PTPN2: variants seen among roughly 807,000 people sequenced by gnomAD.
PTPN2 encodes the protein tyrosine-protein phosphatase non-receptor type 2.
In PTPN2, 19 loss-of-function variants were observed where a neutral mutation model predicts 57.3. The ratio of observed to expected loss-of-function variants is 0.33; its 90% CI spans 0.23 to 0.49. The LOEUF (loss-of-function observed/expected upper bound fraction) is 0.49, where lower values mean the gene tolerates loss of function less well. PTPN2 is among the 20% of genes least tolerant of loss of function. PTPN2 has a pLI of 0.99. For missense variants in PTPN2, 358 were observed against 501.1 expected (o/e 0.71, Z 2.73); for synonymous variants, 153 against 164.9 (o/e 0.93, Z 0.55).
intron 4 of PTPN2, among the ~76,000 whole-genome samples, chr18:12,827,556 T>C (rs1419136872): frequency 1.3e-5 from 2 of 151,834 alleles, no homozygotes; most frequent in Admixed American, 6.6e-5. Context: ...GGCTACTTTT[T>C]GTATTTTTTG....
chr18:12,866,712 T>C (rs191881227), intron 1 of PTPN2, among the ~76,000 whole-genome samples: 81 of 152,032 alleles, frequency 5.3e-4, no homozygotes, highest in African/African-American at 1.9e-3. Context: ...TTTTATGGTA[T>C]GTGAAATATA....
chr18:12,813,608 G>T (rs562962587), intron 7 of PTPN2, among the ~76,000 whole-genome samples: 1 of 152,206 alleles, frequency 6.6e-6, no homozygotes, highest in East Asian at 1.9e-4. Flanking sequence ...TCAACTTACA[G>T]TATCTGCTTA....
chr18:12,865,076 T>C (rs949223569), intron 1 of PTPN2, among the ~76,000 whole-genome samples: 19 of 152,174 alleles, frequency 1.2e-4, no homozygotes, highest in Admixed American at 1.1e-3. Context: ...TTCAAGAGAA[T>C]CACAGAATTC....
chr18:12,807,586 A>AAAAAATATAT, intron 7 of PTPN2, among the ~76,000 whole-genome samples: 27 of 35,188 alleles, frequency 7.7e-4, no homozygotes, highest in Admixed American at 2.3e-3. Context: ...AAAAAAAAAA[A>AAAAAATATAT]ATATATATAT....
chr18:12,842,248 G>A (rs1568136561), intron 2 of PTPN2, among the ~76,000 whole-genome samples: 1 of 152,148 alleles, frequency 6.6e-6, no homozygotes, highest in Non-Finnish European at 1.5e-5. Flanking sequence ...TCCGCTTCTA[G>A]GAGAGTTAGA....
At chr18:12,853,985 G>A (rs2043484450) in intron 2 of PTPN2, among the ~76,000 whole-genome samples, 1 of 152,150 alleles carries the variant, frequency 6.6e-6, no homozygotes, top group Admixed American at 6.5e-5. Flanking sequence ...AGATGGGTTT[G>A]GAGGCTACTG....
intron 1 of PTPN2, among the ~76,000 whole-genome samples, chr18:12,870,500 A>AGAGAGAGAG (rs765653644): frequency 2.8e-4 from 15 of 52,740 alleles, no homozygotes; most frequent in Admixed American, 4.3e-4. Context: ...GAGAGAGAGA[A>AGAGAGAGAG]AAGCGTGTTG....
Position 12,817,179 on chromosome 18 carries a change from G to C in PTPN2, c.682C>G (p.Leu228Val). 1 of 1,614,116 alleles carries C rather than the reference G, an allele frequency of 6.2e-7. No individual in the cohort carries two copies. The highest frequency in any genetic ancestry group is 8.5e-7 in the Non-Finnish European group (1 of 1,179,992). Reference sequence around the variant, plus strand: ...ACCAAAACAAGACAAGTGTCTACCAGAGAGAAGGTGCCAGAGCGCCCAATG... The same window carrying C: ...ACCAAAACAAGACAAGTGTCTACCACAGAGAAGGTGCCAGAGCGCCCAATG... The part of the protein sequence containing the change: ...AGIGRSGTFS[L>V]VDTCLVLMEK... The change falls in exon 6 of 9, where the codon CTG (leucine) becomes GTG (valine). Residue 228 changes from leucine (L) to valine (V), a missense_variant. Leu to Val is a conservative substitution (Grantham distance 32). Around this residue, in one of 4 missense-constraint regions of PTPN2, gnomAD observed 193 missense variants for 315.4 expected, o/e 0.61. Transcript: ENST00000309660.
At chr18:12,832,216 AAG>A (rs1243097754) in intron 3 of PTPN2, among the ~76,000 whole-genome samples, 2 of 152,172 alleles carry the variant, frequency 1.3e-5, no homozygotes, top group East Asian at 3.8e-4. Context: ...TCCCAGGTTC[AAG>A]AGATTCTCCT....
In PTPN2 at chr18:12,870,382, TACGTATATATGTATATATAC is replaced by T. The variant is rs1482135196; in HGVS notation, c.70-11148_70-11129del. ...ATATATGTGTATATATACATATATA[TACGTATATATGTATATATAC>T]ACGTATATATATGTATATATATACG... On this transcript the variant is annotated intron_variant, in intron 1 of 8. Transcript: ENST00000309660. 6.6e-4 allele frequency among the ~76,000 whole-genome samples: 43 copies of T among 64,954 alleles called. 5 individuals carry two copies. The highest frequency in any genetic ancestry group is 4.1e-3 in the African/African-American group (40 of 9,682). 42.6% of individuals were successfully genotyped at this position (64,954 alleles called of 152,430 possible).
intron 3 of PTPN2, among the ~76,000 whole-genome samples, chr18:12,834,899 T>C (rs2042799772): frequency 6.6e-6 from 1 of 152,102 alleles, no homozygotes; most frequent in South Asian, 2.1e-4. Flanking sequence ...TCCCTCAATA[T>C]ACACAAGGGA....
intron 1 of PTPN2, among the ~76,000 whole-genome samples, chr18:12,870,326 T>C (rs1228891718): frequency 3.2e-4 from 24 of 74,618 alleles, no homozygotes; most frequent in Non-Finnish European, 5.1e-4. Flanking sequence ...TATGTGTATA[T>C]ATATGTATAT....
intron 1 of PTPN2, among the ~76,000 whole-genome samples, chr18:12,860,838 C>T (rs1263983537): frequency 3.9e-5 from 6 of 152,054 alleles, no homozygotes; most frequent in Non-Finnish European, 8.8e-5. Flanking sequence ...ACTGATGTAT[C>T]CAGAATGGCC....
chr18:12,870,933 A>G (rs1256695520), intron 1 of PTPN2, among the ~76,000 whole-genome samples: 1 of 152,182 alleles, frequency 6.6e-6, no homozygotes, highest in East Asian at 1.9e-4. Context: ...GAAAAAGTTA[A>G]GTCACATTCT....
chr18:12,846,437 G>A (rs2043209390), intron 2 of PTPN2, among the ~76,000 whole-genome samples: 1 of 152,092 alleles, frequency 6.6e-6, no homozygotes, highest in South Asian at 2.1e-4. Context: ...CATCAGTATA[G>A]ACACATTAAT....
chr18:12,813,140 A>G (rs1260210995), intron 7 of PTPN2, among the ~76,000 whole-genome samples: 1 of 152,168 alleles, frequency 6.6e-6, no homozygotes, highest in Non-Finnish European at 1.5e-5. Flanking sequence ...CAGGCTGTGA[A>G]GGCATGGGGA....
At chr18:12,807,125 A>G (rs2041681955) in intron 7 of PTPN2, among the ~76,000 whole-genome samples, 1 of 152,162 alleles carries the variant, frequency 6.6e-6, no homozygotes, top group African/African-American at 2.4e-5. Context: ...AATAGGTAAA[A>G]GACCTGAATA....
chr18:12,792,806 G>T lies in PTPN2; in HGVS notation c.*1472C>A. The T allele has an allele frequency of 1.6e-6, 1 of 634,458 alleles. No individual in the cohort carries two copies. The highest frequency in any genetic ancestry group is 2.0e-6 in the Non-Finnish European group (1 of 509,810). 39.3% of individuals were successfully genotyped at this position (634,458 alleles called of 1,614,324 possible). A position where few individuals can be genotyped will look rare whatever the true frequency, so the allele number is the denominator to read the frequency against. On this transcript the variant is annotated 3_prime_UTR_variant, in exon 9 of 9. Coordinates refer to ENST00000309660, the MANE Select transcript of PTPN2 (RefSeq NM_002828.4). ...GTGTTTCACCACGTTGGCCAGGCTGGTCTTGAACTCCTGACCTCAGGTGAT... is the reference window on the plus strand; with the variant it reads ...GTGTTTCACCACGTTGGCCAGGCTGTTCTTGAACTCCTGACCTCAGGTGAT...
chr18:12,878,705 A>G (rs981502420), intron 1 of PTPN2, among the ~76,000 whole-genome samples: 3 of 152,162 alleles, frequency 2.0e-5, no homozygotes, highest in South Asian at 2.1e-4. Context: ...CAGGAGTTCC[A>G]TTGTTTATAA....
Sources: gnomAD v4.1 joint callset for allele counts (sites outside exome capture counted in the v4.1 genomes callset) on GRCh38, gnomAD v4.1.1 for gene constraint, gnomAD v4.1.1 regional missense constraint, MANE v1.5 for transcripts, NCBI Gene and HGNC (gene_info 2026-07-23, HGNC 2026-07-21) for gene names.